B4GALT5: variants seen among roughly 807,000 people sequenced by gnomAD.
The protein encoded by B4GALT5 is UDP-Gal:beta-GlcNAc beta-1,4-galactosyltransferase 5.
Under a neutral mutation model 45.0 loss-of-function variants are expected in B4GALT5, and 11 were observed. The observed-to-expected ratio is 0.24, with a 90% CI of 0.15 to 0.40. The LOEUF is 0.40. B4GALT5 is among the 10% of genes least tolerant of loss of function. B4GALT5 has a pLI of 1.00. For synonymous variants in B4GALT5, 185 were observed against 182.9 expected, an observed-to-expected ratio of 1.01 and a Z score of -0.09; for missense variants, 337 against 500.2, an observed-to-expected ratio of 0.67 and a Z score of 3.11.
Position 49,647,080 on chromosome 20 carries a change from T to C in B4GALT5, c.251-2A>G. 1.2e-6 allele frequency: 2 copies of C among 1,605,958 alleles called. No homozygotes were observed. The highest frequency in any genetic ancestry group is 1.7e-6 in the Non-Finnish European group (2 of 1,173,798). ...TGTGGTTCAAGTCAAGAGGATAATC[T>C]AGGGAGGTAAAGGAAAAAAGTCGAT... On this transcript the variant is annotated splice_acceptor_variant, in intron 2 of 8. Transcript: ENST00000371711. LOFTEE classifies it high-confidence loss of function.
chr20:49,709,828 G>A lies in B4GALT5; in HGVS notation c.115+3748C>T, dbSNP rs146650066. ...TTTAAAACATTAAATGGATCAAATG[G>A]TATTATTATAGTAGCTGAGGGCATT... On this transcript the variant is annotated intron_variant, in intron 1 of 8. Coordinates refer to ENST00000371711, the MANE Select transcript of B4GALT5 (RefSeq NM_004776.4). Among the ~76,000 whole-genome samples the A allele has an allele frequency of 4.7e-3, 717 of 151,742 alleles. 13 individuals carry two copies. The South Asian group carries it at 0.072, about 15-fold the overall frequency.
chr20:49,672,103 A>T (rs1464609578), intron 1 of B4GALT5, among the ~76,000 whole-genome samples: 2 of 152,120 alleles, frequency 1.3e-5, no homozygotes, highest in Non-Finnish European at 2.9e-5. Flanking sequence ...CCATCCAAAC[A>T]TATTCTTCCA....
chr20:49,643,710 TG>T, intron 3 of B4GALT5, 60 bp from the exon 4 acceptor site: 1 of 1,572,062 alleles, frequency 6.4e-7, no homozygotes, highest in Non-Finnish European at 8.7e-7. Context: ...TCCCTATGCC[TG>T]GGGTTTTAGT....
chr20:49,685,272 G>A (rs891256966), intron 1 of B4GALT5, among the ~76,000 whole-genome samples: 15 of 152,152 alleles, frequency 9.9e-5, no homozygotes, highest in African/African-American at 3.6e-4. Context: ...CTTTCTCCAT[G>A]TTGCCGTCTC....
intron 1 of B4GALT5, among the ~76,000 whole-genome samples, chr20:49,663,502 GA>G (rs2085673603): frequency 6.6e-6 from 1 of 150,438 alleles, no homozygotes; most frequent in Non-Finnish European, 1.5e-5. Flanking sequence ...GGGTAGGACT[GA>G]GGCCTGAGTA....
chr20:49,637,361 T>C lies in B4GALT5; in HGVS notation c.999A>G (p.Gly333=). 4 of 1,614,078 alleles carry C rather than the reference T, an allele frequency of 2.5e-6. No homozygotes were observed. Among genetic ancestry groups the C allele is most frequent in the East Asian group, 2.2e-5 (1 of 44,876 alleles). ...CCAACCTTCCAAGAAACTGGACTTCTCCTCGATGGTGATGAGGAATGGACT... is the reference window on the plus strand; with the variant it reads ...CCAACCTTCCAAGAAACTGGACTTCCCCTCGATGGTGATGAGGAATGGACT... The part of the protein sequence containing the change: ...KYKSIPHHHR[G]EVQFLGRYAL... The change falls in exon 8 of 9, where the codon GGA becomes GGG. Residue 333 remains glycine, a synonymous_variant. Transcript: ENST00000371711.
At chr20:49,706,873 T>C (rs2085886402) in intron 1 of B4GALT5, among the ~76,000 whole-genome samples, 1 of 152,204 alleles carries the variant, frequency 6.6e-6, no homozygotes. Flanking sequence ...CCGAACATAC[T>C]TCCAAGATCT....
intron 1 of B4GALT5, among the ~76,000 whole-genome samples, chr20:49,684,435 C>T (rs552319057): frequency 1.3e-5 from 2 of 151,880 alleles, no homozygotes; most frequent in Non-Finnish European, 2.9e-5. Context: ...TGGCAGTGTG[C>T]GCCTGTAGTC....
chr20:49,675,101 G>C (rs1026910406), intron 1 of B4GALT5, among the ~76,000 whole-genome samples: 1 of 152,224 alleles, frequency 6.6e-6, no homozygotes, highest in African/African-American at 2.4e-5. Flanking sequence ...GAGCAGGGGA[G>C]GGGGACCAAA....
chr20:49,642,391 A>G, intron 5 of B4GALT5, 77 bp downstream of exon 5: 2 of 1,096,430 alleles, frequency 1.8e-6, no homozygotes, highest in South Asian at 2.9e-5. Flanking sequence ...TCTTCACACC[A>G]ACAGTGGATT....
chr20:49,678,138 A>T (rs1333028452), intron 1 of B4GALT5, among the ~76,000 whole-genome samples: 1 of 152,240 alleles, frequency 6.6e-6, no homozygotes, highest in Non-Finnish European at 1.5e-5. Context: ...TCTTCAGAAC[A>T]CAGCAAATGG....
At position 49,643,568 on chromosome 20, in the gene B4GALT5, G is replaced by A. The variant is rs146048963; in HGVS notation, c.447C>T (p.Leu149=). The A allele has an allele frequency of 9.3e-6, 15 of 1,613,768 alleles. No individual in the cohort carries two copies. The highest frequency in any genetic ancestry group is 2.2e-5 in the South Asian group (2 of 91,066). ...AATCAGAAGGCTTCCAGTGACCTCC[G>A]AGCTTGATGGTTGGGTCTTTGGAGA... ...ELFSKDPTIK[L]GGHWKPSDCM... The change falls in exon 4 of 9, where the codon CTC becomes CTT. Residue 149 remains leucine, a synonymous_variant. Coordinates refer to ENST00000371711, the MANE Select transcript of B4GALT5 (RefSeq NM_004776.4).
At chr20:49,679,678 AAAAAAACAAAAAC>A (rs987516512) in intron 1 of B4GALT5, among the ~76,000 whole-genome samples, 2 of 151,940 alleles carry the variant, frequency 1.3e-5, no homozygotes, top group African/African-American at 2.4e-5. Context: ...TACATCTTCA[AAAAAAACAAAAAC>A]AAAAAACAAA....
At chr20:49,637,524 G>A in intron 7 of B4GALT5, 82 bp from the exon 8 acceptor site, 1 of 989,276 alleles carries the variant, frequency 1.0e-6, no homozygotes, top group South Asian at 1.3e-5. Context: ...CATGTTACAA[G>A]CTTACCCTGG....
At chr20:49,708,902 A>C (rs2085896062) in intron 1 of B4GALT5, among the ~76,000 whole-genome samples, 1 of 149,468 alleles carries the variant, frequency 6.7e-6, no homozygotes, top group Non-Finnish European at 1.5e-5. Flanking sequence ...ACTGCACTCT[A>C]GCCTGGGCAA....
rs184052888 is a variant in B4GALT5, at chr20:49,663,324, T to G, written c.116-6622A>C. Among the ~76,000 whole-genome samples the G allele has an allele frequency of 2.2e-3, 329 of 152,212 alleles. 7 individuals are homozygous for G. The South Asian group carries it at 0.028, about 13-fold the overall frequency. On this transcript the variant is annotated intron_variant, in intron 1 of 8. Coordinates refer to ENST00000371711, the MANE Select transcript of B4GALT5 (RefSeq NM_004776.4). Reference sequence around the variant, plus strand: ...TTGCTTACATGTACACATTTTAATGTTATATGTCAACAAAATTTACCTTCC... The same window carrying G: ...TTGCTTACATGTACACATTTTAATGGTATATGTCAACAAAATTTACCTTCC...
At chr20:49,652,753 T>TA (rs2085627511) in intron 2 of B4GALT5, among the ~76,000 whole-genome samples, 1 of 152,198 alleles carries the variant, frequency 6.6e-6, no homozygotes, top group South Asian at 2.1e-4. Flanking sequence ...CTTTTAAACT[T>TA]AAAGAAAACC....
chr20:49,672,070 G>T (rs2085718350), intron 1 of B4GALT5, among the ~76,000 whole-genome samples: 1 of 152,062 alleles, frequency 6.6e-6, no homozygotes, highest in African/African-American at 2.4e-5. Flanking sequence ...ACTTCATCAA[G>T]CAAGTTTCCT....
At chr20:49,676,102 C>T (rs1415754791) in intron 1 of B4GALT5, among the ~76,000 whole-genome samples, 6 of 151,172 alleles carry the variant, frequency 4.0e-5, no homozygotes, top group African/African-American at 4.9e-5. Context: ...CTCAGTCCAC[C>T]GATGGGCCAA....
Sources: allele counts gnomAD v4.1 joint callset (sites outside exome capture counted in the v4.1 genomes callset), GRCh38; gene constraint gnomAD v4.1.1; transcripts MANE v1.5; gene names NCBI Gene and HGNC (gene_info 2026-07-23, HGNC 2026-07-21).